The following ADAMTS20 variants were observed in gnomAD, a reference collection of about 807,000 sequenced individuals.
ADAMTS20 encodes A disintegrin and metalloproteinase with thrombospondin motifs 20.
Under a neutral mutation model 260.1 loss-of-function variants are expected in ADAMTS20, and 225 were observed. That is an observed-to-expected ratio of 0.87 (90% confidence interval 0.78 to 0.97). ADAMTS20 has a LOEUF of 0.97. Ranked by LOEUF, ADAMTS20 falls within the 50% of genes least tolerant of loss-of-function variation. The pLI, the probability that ADAMTS20 is intolerant of heterozygous loss-of-function variation, is 0.00. For synonymous variants in ADAMTS20, 802 were observed against 769.5 expected (o/e 1.04, Z -0.70); for missense variants, 2,400 against 2,337.7 (o/e 1.03, Z -0.55).
Position 43,428,619 on chromosome 12 carries a change from T to A in ADAMTS20, c.3654+16A>T. On this transcript the variant is annotated intron_variant, in intron 25 of 38. Transcript: ENST00000389420. ...TTAAATTTTTCATTTTCTTTTTTTC[T>A]CATAAGAATACTTACGGGTGACCAA... The A allele has an allele frequency of 2.0e-6, 3 of 1,521,564 alleles. No homozygotes were observed. The highest frequency in any genetic ancestry group is 2.6e-6 in the Non-Finnish European group (3 of 1,138,674). 94.3% of individuals were successfully genotyped at this position (1,521,564 alleles called of 1,614,324 possible).
Position 43,492,625 on chromosome 12 carries a change from C to G in ADAMTS20, c.956G>C (p.Gly319Ala). 1 of 1,613,542 alleles carries G rather than the reference C, an allele frequency of 6.2e-7. No homozygotes were observed. Among genetic ancestry groups the G allele is most frequent in the South Asian group, 1.1e-5 (1 of 91,018 alleles). ...AGCACCATCAAAATTAATGACTGGT[C>G]CTTCCTATGCAAAATAAGCAATGCA... is the stretch of plus-strand genomic sequence containing the variant. ...KLVMIHREEE[G>A]PVINFDGATT... The change falls in exon 6 of 39, where the codon GGA (glycine) becomes GCA (alanine). Residue 319 changes from glycine to alanine, a missense_variant. Physicochemically the swap from Gly to Ala is moderately conservative, Grantham distance 60 (BLOSUM62 0). Coordinates refer to ENST00000389420, the MANE Select transcript of ADAMTS20 (RefSeq NM_025003.5).
At chr12:43,401,495 G>C (rs1202049932) in intron 28 of ADAMTS20, among the ~76,000 whole-genome samples, 1 of 151,714 alleles carries the variant, frequency 6.6e-6, no homozygotes, top group African/African-American at 2.4e-5. Context: ...TCTATGAGTG[G>C]AATATAAACT....
intron 2 of ADAMTS20, among the ~76,000 whole-genome samples, chr12:43,542,041 C>A (rs1284524487): frequency 1.3e-5 from 2 of 152,110 alleles, no homozygotes; most frequent in African/African-American, 4.8e-5. Flanking sequence ...GCCCCAGCAG[C>A]CTTCATAACA....
chr12:43,522,888 C>A (rs554829822), intron 3 of ADAMTS20, among the ~76,000 whole-genome samples: 3 of 152,314 alleles, frequency 2.0e-5, no homozygotes, highest in Non-Finnish European at 1.5e-5. Flanking sequence ...ACACAGTGAA[C>A]TTTGACCTTG....
intron 7 of ADAMTS20, among the ~76,000 whole-genome samples, chr12:43,471,379 C>T (rs1323954262): frequency 8.3e-5 from 11 of 132,746 alleles, no homozygotes; most frequent in African/African-American, 2.6e-4. Flanking sequence ...AGTCTGAGAT[C>T]AAACTGCAAG....
intron 15 of ADAMTS20, 42 bp from the exon 16 acceptor site, chr12:43,443,925 G>C (rs1010351123): frequency 1.3e-6 from 2 of 1,533,468 alleles, no homozygotes; most frequent in African/African-American, 2.7e-5. Context: ...ACAAAAAGCA[G>C]ATGGCCCAGA....
chr12:43,393,447 A>C (rs943917657), intron 29 of ADAMTS20, among the ~76,000 whole-genome samples: 12 of 152,038 alleles, frequency 7.9e-5, no homozygotes, highest in Admixed American at 3.9e-4. Flanking sequence ...AGTGCTTTAA[A>C]GACTTGAGAG....
chr12:43,395,132 A>G (rs761309133), intron 29 of ADAMTS20, among the ~76,000 whole-genome samples: 7 of 152,144 alleles, frequency 4.6e-5, no homozygotes, highest in Non-Finnish European at 8.8e-5. Context: ...GAAATGAAAA[A>G]TAGAATTTCA....
At chr12:43,515,168 T>C (rs1812003810) in intron 3 of ADAMTS20, among the ~76,000 whole-genome samples, 1 of 152,212 alleles carries the variant, frequency 6.6e-6, no homozygotes, top group South Asian at 2.1e-4. Context: ...ATTCTAGAAA[T>C]ACCATTGAGA....
intron 28 of ADAMTS20, among the ~76,000 whole-genome samples, chr12:43,425,096 C>T (rs1417729421): frequency 6.6e-6 from 1 of 152,164 alleles, no homozygotes; most frequent in African/African-American, 2.4e-5. Flanking sequence ...AATGATATCA[C>T]GTCCTTTGCG....
Position 43,428,651 on chromosome 12 carries a change from G to A in ADAMTS20, c.3638C>T (p.Ala1213Val). The change falls in exon 25 of 39, where the codon GCA becomes GTA. Residue 1213 changes from alanine (A) to valine (V), a missense_variant. Transcript: ENST00000389420. The stretch of plus-strand genomic sequence containing the variant: ...AATACTTACGGGTGACCAATCCCCT[G>A]CTTGCCACTCTCCACAAGGGGTAAA... ...DCFTPCGEWQ[A>V]GDWSPCSASC... 6.3e-7 allele frequency: 1 copy of A among 1,590,320 alleles called. No homozygotes were observed. Among genetic ancestry groups the A allele is most frequent in the Non-Finnish European group, 8.6e-7 (1 of 1,167,108 alleles).
At chr12:43,440,229 C>T (rs773801973) in intron 16 of ADAMTS20, among the ~76,000 whole-genome samples, 160 bp from the exon 17 acceptor site, 4 of 147,618 alleles carry the variant, frequency 2.7e-5, no homozygotes, top group Admixed American at 1.4e-4. Context: ...CTGTAACCTT[C>T]GCCTCGCCTC....
intron 7 of ADAMTS20, among the ~76,000 whole-genome samples, chr12:43,477,289 G>C (rs1437170843): frequency 4.6e-5 from 7 of 152,006 alleles, no homozygotes; most frequent in Non-Finnish European, 8.8e-5. Context: ...AGAAATGACA[G>C]ATACTCAGTA....
chr12:43,485,397 C>T (rs1341073916), intron 7 of ADAMTS20, among the ~76,000 whole-genome samples: 1 of 151,856 alleles, frequency 6.6e-6, no homozygotes, highest in East Asian at 1.9e-4. Flanking sequence ...AATCCTCAAA[C>T]TAGGCATAGA....
chr12:43,363,915 C>T (rs1939928523), intron 37 of ADAMTS20, among the ~76,000 whole-genome samples: 1 of 152,034 alleles, frequency 6.6e-6, no homozygotes, highest in South Asian at 2.1e-4. Context: ...TTATTTATGC[C>T]CCCAAAATAT....
In ADAMTS20 at chr12:43,360,830, C is replaced by A. The variant is rs1939852075; in HGVS notation, c.5539-4242G>T. ...ATGGATATATATTAAACTCTACACC[C>A]TGATAATAATGAATACACATTCCAA... On this transcript the variant is annotated intron_variant, in intron 37 of 38. Transcript: ENST00000389420. 2.0e-5 allele frequency among the ~76,000 whole-genome samples: 3 copies of A among 152,120 alleles called. No homozygotes were observed. The South Asian group carries it at 6.2e-4, about 32-fold the overall frequency.
At chr12:43,468,055 C>T (rs932264871) in intron 8 of ADAMTS20, among the ~76,000 whole-genome samples, 2 of 152,004 alleles carry the variant, frequency 1.3e-5, no homozygotes, top group Non-Finnish European at 2.9e-5. Flanking sequence ...AACACAGAAC[C>T]CCAGCATATT....
intron 31 of ADAMTS20, among the ~76,000 whole-genome samples, chr12:43,378,408 C>A (rs920122889): frequency 6.6e-6 from 1 of 152,098 alleles, no homozygotes; most frequent in Admixed American, 6.6e-5. Flanking sequence ...TCACACAGAA[C>A]CAAATATAGT....
chr12:43,376,727 T>G (rs1478837137), intron 32 of ADAMTS20, 74 bp from the exon 33 acceptor site: 2 of 1,511,406 alleles, frequency 1.3e-6, no homozygotes, highest in Admixed American at 4.3e-5. Context: ...TCTCCTTTTC[T>G]TAGACCAGGT....
Sources: allele counts gnomAD v4.1 joint callset (sites outside exome capture counted in the v4.1 genomes callset), GRCh38; gene constraint gnomAD v4.1.1; transcripts MANE v1.5; gene names NCBI Gene and HGNC (gene_info 2026-07-23, HGNC 2026-07-21).